The following TNN variants were observed in gnomAD, a reference collection of about 807,000 sequenced individuals.
TNN encodes tenascin N.
In TNN, 122 loss-of-function variants were observed where a neutral mutation model predicts 134.4. The observed-to-expected ratio is 0.91, with a 90% CI of 0.78 to 1.06. The LOEUF (loss-of-function observed/expected upper bound fraction) is 1.06. TNN is among the 50% of genes least tolerant of loss of function. The pLI is 0.00. For synonymous variants in TNN, 710 were observed against 670.3 expected (o/e 1.06, Z -0.91); for missense variants, 1,739 against 1,699.4 (o/e 1.02, Z -0.41).
intron 4 of TNN, among the ~76,000 whole-genome samples, chr1:175,082,137 G>C (rs745524769): frequency 3.4e-4 from 51 of 152,196 alleles, no homozygotes; most frequent in Non-Finnish European, 6.5e-4. Flanking sequence ...CTGGCTGGCA[G>C]AGTCTGCTTT....
chr1:175,116,824 T>G, intron 9 of TNN, 115 bp from the exon 10 acceptor site: 3 of 1,409,808 alleles, frequency 2.1e-6, no homozygotes, highest in Non-Finnish European at 3.0e-6. Context: ...AAAACCAGCA[T>G]ATGATATGGA....
At chr1:175,130,283 TAAAAA>T (rs1675641706) in intron 15 of TNN, among the ~76,000 whole-genome samples, 3 of 152,212 alleles carry the variant, frequency 2.0e-5, no homozygotes, top group Admixed American at 2.0e-4. Context: ...CAGCCATGAA[TAAAAA>T]GATACCATCT....
intron 7 of TNN, 65 bp from the exon 8 acceptor site, chr1:175,097,352 C>A: frequency 6.3e-7 from 1 of 1,584,312 alleles, no homozygotes. Context: ...TGACTGTGTT[C>A]GTGCTGTCTT....
At chr1:175,076,791 C>T (rs993732479) in intron 1 of TNN, among the ~76,000 whole-genome samples, 2 of 152,130 alleles carry the variant, frequency 1.3e-5, no homozygotes, top group African/African-American at 2.4e-5. Flanking sequence ...GGTCAGATTG[C>T]CTGGGTTCAA....
In TNN at chr1:175,083,912, C is replaced by T. The variant is rs1235040291; in HGVS notation, c.1211C>T (p.Pro404Leu). Reference sequence around the variant, plus strand: ...GTCACTGTGCCCAAGAGCAGTGACCCCAAGAGCCGATATGACATCACTGGT... The same window carrying T: ...GTCACTGTGCCCAAGAGCAGTGACCTCAAGAGCCGATATGACATCACTGGT... The part of the protein sequence containing the change: ...AEVTVPKSSD[P>L]KSRYDITGLH... Residue 404 changes from proline to leucine, a missense_variant, in exon 5 of 19, where the codon CCC becomes CTC. Physicochemically the swap from Pro to Leu is moderately conservative, Grantham distance 98. Coordinates refer to ENST00000239462, the MANE Select transcript of TNN (RefSeq NM_022093.2). 1 of 1,613,930 alleles carries T rather than the reference C, an allele frequency of 6.2e-7. No individual in the cohort carries two copies. The highest frequency in any genetic ancestry group is 1.1e-5 in the South Asian group (1 of 91,026).
In TNN at chr1:175,083,972, G is replaced by A. The variant is rs911858683; in HGVS notation, c.1234+37G>A. ...CACTGGAATGTGAGATGTATGCTGT[G>A]GATGCAGAGGTGGGGATAGTGTGTG... is the stretch of plus-strand genomic sequence containing the variant. On this transcript the variant is annotated intron_variant, in intron 5 of 18. Transcript: ENST00000239462. 7 of 1,601,110 alleles carry A rather than the reference G, an allele frequency of 4.4e-6. No homozygotes were observed. The African/African-American group carries it at 8.0e-5, about 18-fold the overall frequency.
chr1:175,113,338 T>C (rs1675085742), intron 9 of TNN, among the ~76,000 whole-genome samples: 1 of 152,222 alleles, frequency 6.6e-6, no homozygotes, highest in Non-Finnish European at 1.5e-5. Flanking sequence ...TATTCTCAGT[T>C]GACAGCTTTT....
At chr1:175,095,595 A>G (rs894429368) in intron 7 of TNN, among the ~76,000 whole-genome samples, 1 of 152,176 alleles carries the variant, frequency 6.6e-6, no homozygotes, top group African/African-American at 2.4e-5. Flanking sequence ...TTTGTTTGAG[A>G]CAGAGTCTCG....
chr1:175,099,988 G>T (rs955090203), intron 9 of TNN, among the ~76,000 whole-genome samples: 1 of 152,128 alleles, frequency 6.6e-6, no homozygotes, highest in African/African-American at 2.4e-5. Context: ...ACCTTGCTGT[G>T]CTAGGCCCAA....
intron 9 of TNN, among the ~76,000 whole-genome samples, chr1:175,113,219 G>A (rs1675082261): frequency 6.6e-6 from 1 of 152,156 alleles, no homozygotes; most frequent in Admixed American, 6.5e-5. Context: ...ACTCCCTTGA[G>A]CATTTCTTGT....
chr1:175,074,280 C>T (rs958351717), intron 1 of TNN, among the ~76,000 whole-genome samples: 3 of 151,888 alleles, frequency 2.0e-5, no homozygotes, highest in Admixed American at 6.5e-5. Context: ...CCCAGGAATT[C>T]GAGACCAGGT....
intron 4 of TNN, among the ~76,000 whole-genome samples, chr1:175,081,343 C>T (rs190878324): frequency 1.0e-3 from 156 of 152,300 alleles, no homozygotes; most frequent in African/African-American, 3.1e-3. Flanking sequence ...TTTGGAGAAA[C>T]GTAGTTGGTT....
chr1:175,079,264 A>T, intron 2 of TNN, 69 bp from the exon 3 acceptor site: 1 of 1,475,522 alleles, frequency 6.8e-7, no homozygotes, highest in Non-Finnish European at 9.0e-7. Flanking sequence ...TGCATGGCTG[A>T]TCTCAGAGGA....
At chr1:175,136,099 A>C (rs535922795) in intron 16 of TNN, among the ~76,000 whole-genome samples, 158 bp downstream of exon 16, 112 of 152,204 alleles carry the variant, frequency 7.4e-4, no homozygotes, top group African/African-American at 2.6e-3. Flanking sequence ...GGGCATGTTG[A>C]TGGGAAGGCT....
intron 15 of TNN, among the ~76,000 whole-genome samples, chr1:175,129,470 C>T (rs779087759): frequency 2.6e-5 from 4 of 151,644 alleles, no homozygotes; most frequent in Non-Finnish European, 5.9e-5. Flanking sequence ...TACTTAACCA[C>T]TGTCCTAGAA....
At position 175,070,352 on chromosome 1, in the gene TNN, G is replaced by T. The variant is rs186548487; in HGVS notation, c.-36+2417G>T. The stretch of plus-strand genomic sequence containing the variant: ...ACAAAATGAGCCTGTGGTCACCCCT[G>T]AAAAAGTGATTGAGTGCTGAGGCTG... On this transcript the variant is annotated intron_variant, in intron 1 of 18. Transcript: ENST00000239462. Among the ~76,000 whole-genome samples the T allele has an allele frequency of 2.5e-4, 38 of 152,304 alleles. 1 individual carries two copies. The East Asian group carries it at 6.2e-3, about 25-fold the overall frequency.
chr1:175,143,609 G>A (rs1333102683), intron 17 of TNN, among the ~76,000 whole-genome samples: 1 of 152,018 alleles, frequency 6.6e-6, no homozygotes, highest in African/African-American at 2.4e-5. Flanking sequence ...GCTTTGAAGG[G>A]ATGGTTGGGA....
chr1:175,142,051 C>A (rs1675954648), intron 17 of TNN, among the ~76,000 whole-genome samples: 1 of 152,166 alleles, frequency 6.6e-6, no homozygotes, highest in African/African-American at 2.4e-5. Flanking sequence ...CTAAGCTGTG[C>A]TCATTTAAAG....
At chr1:175,131,051 G>C (rs933369065) in intron 15 of TNN, among the ~76,000 whole-genome samples, 1 of 152,074 alleles carries the variant, frequency 6.6e-6, no homozygotes, top group Non-Finnish European at 1.5e-5. Context: ...TTTTTGGGGG[G>C]GTTCAAGAGT....
Sources: gnomAD v4.1 joint callset for allele counts (sites outside exome capture counted in the v4.1 genomes callset) on GRCh38, gnomAD v4.1.1 for gene constraint, MANE v1.5 for transcripts, NCBI Gene and HGNC (gene_info 2026-07-23, HGNC 2026-07-21) for gene names.